GNAS: variants seen among roughly 807,000 people sequenced by gnomAD.
GNAS encodes the protein protein ALEX.
GNAS carries 8 observed loss-of-function variants against 54.5 expected under a neutral mutation model. The ratio of observed to expected loss-of-function variants is 0.15; its 90% CI spans 0.09 to 0.26. The LOEUF is 0.26. Among genes scored for constraint, GNAS ranks in the 10% least tolerant of loss-of-function variants. The pLI is 1.00. For missense variants in GNAS, 170 were observed against 529.8 expected (o/e 0.32, Z 6.67); for synonymous variants, 204 against 191.4 (o/e 1.07, Z -0.54).
At chr20:58,891,976 C>T in intron 1 of GNAS, 111 bp downstream of exon 1, 4 of 773,252 alleles carry the variant, frequency 5.2e-6, no homozygotes, top group Non-Finnish European at 6.3e-6. Flanking sequence ...CCCGAGCCCC[C>T]CGCCCGTTCG....
At chr20:58,859,523 A>G (rs890867712) in intron 1 of GNAS, among the ~76,000 whole-genome samples, 2 of 151,866 alleles carry the variant, frequency 1.3e-5, no homozygotes, top group African/African-American at 4.8e-5. Flanking sequence ...AAAGCCTTTC[A>G]TCTAGTCATA....
At chr20:58,889,807 G>A (rs1029790529), upstream of GNAS, among the ~76,000 whole-genome samples, 2 of 151,276 alleles carry the variant, frequency 1.3e-5, no homozygotes, top group Non-Finnish European at 3.0e-5. Context: ...CGGGGGCCGG[G>A]CAGCCCGAGG....
intron 1 of GNAS, among the ~76,000 whole-genome samples, chr20:58,860,658 A>AGTT (rs140207944): frequency 1.2e-4 from 19 of 152,018 alleles, no homozygotes; most frequent in African/African-American, 2.4e-4. Context: ...CAGGAAGGTT[A>AGTT]GTTGTTGTTG....
intron 3 of GNAS, among the ~76,000 whole-genome samples, chr20:58,901,672 C>G (rs537815996): frequency 1.3e-5 from 2 of 151,850 alleles, no homozygotes; most frequent in African/African-American, 4.8e-5. Flanking sequence ...AGGGGCTTCA[C>G]GTAGGAAGGG....
intron 1 of GNAS, among the ~76,000 whole-genome samples, chr20:58,885,681 T>C (rs920147883): frequency 1.3e-5 from 2 of 152,246 alleles, no homozygotes. Flanking sequence ...TGGTCTAAAG[T>C]AATAGAGCCT....
chr20:58,871,766 A>T (rs914097218), intron 1 of GNAS, among the ~76,000 whole-genome samples: 1 of 152,058 alleles, frequency 6.6e-6, no homozygotes, highest in East Asian at 1.9e-4. Context: ...AAAAGAAAAA[A>T]GAGAAGAAAA....
Position 58,853,725 on chromosome 20 carries a change from T to A in GNAS, c.43+12839T>A. 1.9e-6 allele frequency: 3 copies of A among 1,613,816 alleles called. No individual in the cohort carries two copies. Among genetic ancestry groups the A allele is most frequent in the Non-Finnish European group, 2.5e-6 (3 of 1,179,868 alleles). ...TGGTGCCAGACCAGGCCTGGGAGGATACAGCCCTCCACCAGAAGAAGCTAT... is the reference window on the plus strand; with the variant it reads ...TGGTGCCAGACCAGGCCTGGGAGGAAACAGCCCTCCACCAGAAGAAGCTAT... On this transcript the variant is annotated intron_variant, in intron 1 of 12. Transcript: ENST00000306090. The surrounding 1 kb of genome is among the most constrained non-coding windows in gnomAD (Gnocchi z 4.4).
At chr20:58,847,536 T>C (rs186565424) in intron 1 of GNAS, among the ~76,000 whole-genome samples, 4 of 152,382 alleles carry the variant, frequency 2.6e-5, no homozygotes, top group Non-Finnish European at 4.4e-5. Flanking sequence ...AGAAGCTTCA[T>C]AGTTGCCTAA....
At chr20:58,840,015 G>A (rs1036645642), upstream of GNAS, 17 of 1,450,450 alleles carry the variant, frequency 1.2e-5, no homozygotes, top group East Asian at 2.3e-5. This position sits in a 1 kb window ranked among gnomAD's most constrained non-coding sequence, Gnocchi z 6.0. Flanking sequence ...CTCATAGGGT[G>A]TACCTTTCCC....
chr20:58,840,861 G>A lies in GNAS; in HGVS notation c.18G>A (p.Gln6=). ...CGTCACTAATGGAGGACGCCGTCCAGATTCTCCTTGTTTTCATGGATTCAG... is the reference window on the plus strand; with the variant it reads ...CGTCACTAATGGAGGACGCCGTCCAAATTCTCCTTGTTTTCATGGATTCAG... Residue 6 remains glutamine, a synonymous_variant, in exon 1 of 13, where the codon CAG becomes CAA. Coordinates refer to the GNAS transcript ENST00000306090. The surrounding 1 kb of genome is among the most constrained non-coding windows in gnomAD (Gnocchi z 6.0). 1.9e-6 allele frequency: 3 copies of A among 1,612,864 alleles called. No individual in the cohort carries two copies. Among genetic ancestry groups the A allele is most frequent in the Non-Finnish European group, 2.5e-6 (3 of 1,179,988 alleles).
At chr20:58,902,049 A>AAT (rs954921957) in intron 3 of GNAS, among the ~76,000 whole-genome samples, 2 of 151,050 alleles carry the variant, frequency 1.3e-5, no homozygotes, top group African/African-American at 4.9e-5. Flanking sequence ...AAGATTAAAA[A>AAT]ATATATATAT....
chr20:58,840,236 G>A, upstream of GNAS: 2 of 1,610,928 alleles, frequency 1.2e-6, no homozygotes, highest in South Asian at 1.1e-5. The surrounding 1 kb of genome is among the most constrained non-coding windows in gnomAD (Gnocchi z 6.0). Context: ...GCTCCTCCGC[G>A]CCCTTGCCAC....
At chr20:58,906,594 C>T (rs754690150) in intron 6 of GNAS, among the ~76,000 whole-genome samples, 2 of 152,122 alleles carry the variant, frequency 1.3e-5, no homozygotes, top group African/African-American at 2.4e-5. Context: ...TGCAGTGGTG[C>T]GACCTTGGCT....
chr20:58,873,712 T>A lies in GNAS; in HGVS notation c.44-21900T>A, dbSNP rs752228909. 5.9e-5 allele frequency among the ~76,000 whole-genome samples: 9 copies of A among 152,194 alleles called. No individual in the cohort carries two copies. The highest frequency in any genetic ancestry group is 1.0e-4 in the Non-Finnish European group (7 of 68,040). ...AATTCGGGCATTTTCATTTGTTCAT[T>A]CATTCGATATACATGTATTGAGTGC... On this transcript the variant is annotated intron_variant, in intron 1 of 12. Coordinates refer to the GNAS transcript ENST00000306090. The surrounding 1 kb of genome is among the most constrained non-coding windows in gnomAD (Gnocchi z 4.3).
At chr20:58,866,939 AG>A (rs1354861572) in intron 1 of GNAS, among the ~76,000 whole-genome samples, 1 of 152,190 alleles carries the variant, frequency 6.6e-6, no homozygotes, top group African/African-American at 2.4e-5. Context: ...CTTTAGGGGA[AG>A]GTGTAGAAAT....
At chr20:58,893,972 T>G (rs2089786872) in intron 1 of GNAS, among the ~76,000 whole-genome samples, 1 of 152,252 alleles carries the variant, frequency 6.6e-6, no homozygotes, top group African/African-American at 2.4e-5. Context: ...CATGATGTAT[T>G]GATTGCCTCT....
At chr20:58,890,744 C>T (rs1322672876), upstream of GNAS, 2 of 152,106 alleles carry the variant, frequency 1.3e-5, no homozygotes, top group African/African-American at 4.8e-5. Flanking sequence ...TCTAGTCAGA[C>T]CCCCCACCCC....
intron 2 of GNAS, 120 bp downstream of exon 2, chr20:58,895,804 A>G: frequency 2.8e-6 from 2 of 715,730 alleles, no homozygotes; most frequent in Non-Finnish European, 5.1e-6. Context: ...ATTTTTCCTG[A>G]TTTACATATT....
In GNAS at chr20:58,904,339, G is replaced by A. The variant is rs1295257197; in HGVS notation, c.432+548G>A. On this transcript the variant is annotated intron_variant, in intron 5 of 12. Transcript: ENST00000371085. ...GTTTTCTAAAGTCCTTGGGGCAAAT[G>A]AAATCTTTTCTCATTATTAAAAAAA... 9.2e-5 allele frequency among the ~76,000 whole-genome samples: 14 copies of A among 152,048 alleles called. 1 individual carries two copies.
Sources: gnomAD v4.1 joint callset for allele counts (sites outside exome capture counted in the v4.1 genomes callset) on GRCh38, gnomAD v4.1.1 for gene constraint, Gnocchi (gnomAD v3.1) non-coding constraint, MANE v1.5 for transcripts, NCBI Gene and HGNC (gene_info 2026-07-23, HGNC 2026-07-21) for gene names.